Variants in TMTC1 observed in about 807,000 individuals in gnomAD.
The protein encoded by TMTC1 is transmembrane O-mannosyltransferase targeting cadherins 1.
TMTC1 carries 73 observed loss-of-function variants against 104.8 expected under a neutral mutation model. That is an observed-to-expected ratio of 0.70 (90% CI 0.58 to 0.85). The LOEUF (loss-of-function observed/expected upper bound fraction) is 0.85. Among genes scored for constraint, TMTC1 ranks in the 40% least tolerant of loss-of-function variants. The probability of loss-of-function intolerance (pLI) is 0.00; values close to 1 mark genes in which losing one functional copy is unlikely to be tolerated. For missense variants in TMTC1, 1,035 were observed against 1,096.1 expected (o/e 0.94, Z 0.79); for synonymous variants, 434 against 428.7 (o/e 1.01, Z -0.15).
At chr12:29,693,195 A>G (rs1202395605) in intron 5 of TMTC1, among the ~76,000 whole-genome samples, 2 of 145,040 alleles carry the variant, frequency 1.4e-5, no homozygotes, top group African/African-American at 5.0e-5. Flanking sequence ...TGATCAAATC[A>G]GCTGTAAAAG....
chr12:29,708,847 G>A (rs1941822963), intron 5 of TMTC1, among the ~76,000 whole-genome samples: 1 of 152,162 alleles, frequency 6.6e-6, no homozygotes, highest in Admixed American at 6.5e-5. Context: ...CTTTGCAGTT[G>A]AAATGAGCAT....
chr12:29,644,228 T>A (rs940746724), intron 5 of TMTC1, among the ~76,000 whole-genome samples: 9 of 148,756 alleles, frequency 6.1e-5, no homozygotes, highest in African/African-American at 2.0e-4. Context: ...TGGATGGGAC[T>A]AGAGACTATT....
intron 10 of TMTC1, among the ~76,000 whole-genome samples, chr12:29,543,445 T>C (rs920591421): frequency 1.3e-5 from 2 of 152,194 alleles, no homozygotes; most frequent in African/African-American, 4.8e-5. Flanking sequence ...ACGTAGGAAA[T>C]GCCAGTAACA....
Position 29,502,230 on chromosome 12 carries a change from A to G in TMTC1, c.*4616T>C, listed in dbSNP as rs1240587862. 1 of 152,158 alleles carries G rather than the reference A, an allele frequency of 6.6e-6. No homozygotes were observed. Among genetic ancestry groups the G allele is most frequent in the African/African-American group, 2.4e-5 (1 of 41,444 alleles). The allele number at this position is 152,158 out of a possible 1,614,324, so 9.4% of individuals were successfully genotyped here. A position where few individuals can be genotyped will look rare whatever the true frequency, so the allele number is the denominator to read the frequency against. ...AAACATAATTTGGAAACCAGGAACA[A>G]AAATTTTTAAAAAATCACCTCTCAC... On this transcript the variant is annotated 3_prime_UTR_variant, in exon 18 of 18. Transcript: ENST00000539277.
rs534901869 is a variant in TMTC1, at chr12:29,677,386, G to T, written c.939-44050C>A. Among the ~76,000 whole-genome samples the T allele has an allele frequency of 3.3e-5, 5 of 152,114 alleles. No individual in the cohort carries two copies. The South Asian group carries it at 1.0e-3, about 32-fold the overall frequency. ...AGTTATTTCCATACATAAAATATGT[G>T]CCATAAAATATGCATAGAAGCACAA... On this transcript the variant is annotated intron_variant, in intron 5 of 17. Transcript: ENST00000539277.
chr12:29,519,825 GTTTC>G (rs1377096309), intron 12 of TMTC1: 2 of 152,300 alleles, frequency 1.3e-5, no homozygotes, highest in South Asian at 4.1e-4. Context: ...AATAAGGTAA[GTTTC>G]TTAGATGTAT....
At chr12:29,558,370 T>C (rs1945299330) in intron 9 of TMTC1, among the ~76,000 whole-genome samples, 1 of 152,204 alleles carries the variant, frequency 6.6e-6, no homozygotes, top group Non-Finnish European at 1.5e-5. Flanking sequence ...AAGATCAGTT[T>C]AATTCTGGGA....
chr12:29,602,383 A>G (rs1009271616), intron 7 of TMTC1, among the ~76,000 whole-genome samples: 6 of 152,144 alleles, frequency 3.9e-5, no homozygotes, highest in African/African-American at 1.4e-4. Context: ...GGTTCAAGTG[A>G]TATACATGCA....
At chr12:29,727,167 G>A (rs998079490) in intron 5 of TMTC1, among the ~76,000 whole-genome samples, 6 of 152,134 alleles carry the variant, frequency 3.9e-5, no homozygotes, top group African/African-American at 1.2e-4. Context: ...CTGTACTATA[G>A]CACTGTATGA....
chr12:29,729,629 T>C (rs1942493533), intron 5 of TMTC1, among the ~76,000 whole-genome samples: 1 of 152,114 alleles, frequency 6.6e-6, no homozygotes, highest in Admixed American at 6.5e-5. Flanking sequence ...GTGATAACAG[T>C]TCCTCTGCTG....
At chr12:29,641,440 T>C (rs1393950090) in intron 5 of TMTC1, among the ~76,000 whole-genome samples, 1 of 152,148 alleles carries the variant, frequency 6.6e-6, no homozygotes, top group Non-Finnish European at 1.5e-5. Context: ...CCCCTGGTAC[T>C]AGCCCAGAGC....
chr12:29,595,113 T>G (rs1274419223), intron 7 of TMTC1, among the ~76,000 whole-genome samples: 1 of 152,238 alleles, frequency 6.6e-6, no homozygotes, highest in Non-Finnish European at 1.5e-5. Context: ...AATTATACTT[T>G]ATATTAAATT....
rs1338947482 is a variant in TMTC1, at chr12:29,504,407, TCTTATAGG to T, written c.*2431_*2438del. The T allele has an allele frequency of 6.6e-6, 1 of 152,174 alleles. No individual in the cohort carries two copies. 9.4% of individuals were successfully genotyped at this position (152,174 alleles called of 1,614,324 possible). ...TTGAAAAATAGTATGTGATCTATTT[TCTTATAGG>T]CACTGTTTTTACTGTGAAACTATTG... On this transcript the variant is annotated 3_prime_UTR_variant, in exon 18 of 18. Transcript: ENST00000539277.
chr12:29,512,836 T>A (rs1943877748), intron 16 of TMTC1, among the ~76,000 whole-genome samples: 1 of 152,208 alleles, frequency 6.6e-6, no homozygotes, highest in East Asian at 1.9e-4. Flanking sequence ...GAGTCTCAAG[T>A]GGTCACCTGA....
At chr12:29,652,065 A>G (rs1300040800) in intron 5 of TMTC1, among the ~76,000 whole-genome samples, 2 of 152,186 alleles carry the variant, frequency 1.3e-5, no homozygotes, top group African/African-American at 2.4e-5. Context: ...AATGCCTTTT[A>G]TGAGTGGTAC....
At chr12:29,525,806 T>C (rs542907023) in intron 11 of TMTC1, among the ~76,000 whole-genome samples, 60 of 152,306 alleles carry the variant, frequency 3.9e-4, no homozygotes, top group Non-Finnish European at 5.7e-4. Flanking sequence ...AATAAGACAA[T>C]CTAGTTGAAT....
intron 7 of TMTC1, among the ~76,000 whole-genome samples, chr12:29,586,619 A>G (rs915556599): frequency 2.0e-4 from 31 of 151,822 alleles, no homozygotes; most frequent in African/African-American, 7.5e-4. Context: ...ATCAATACCT[A>G]ATTTATTGAG....
intron 7 of TMTC1, among the ~76,000 whole-genome samples, chr12:29,594,232 A>G (rs12314431): frequency 0.015 from 2,314 of 152,348 alleles, 50 homozygotes; most frequent in African/African-American, 0.052. Context: ...TCTACAGCAC[A>G]GTCATCTTGA....
intron 6 of TMTC1, among the ~76,000 whole-genome samples, chr12:29,618,627 C>A (rs1235085444): frequency 6.6e-6 from 1 of 151,696 alleles, no homozygotes; most frequent in Non-Finnish European, 1.5e-5. Flanking sequence ...CCTTTATAGG[C>A]TCCTTGGGCA....
Sources: allele counts gnomAD v4.1 joint callset (sites outside exome capture counted in the v4.1 genomes callset), GRCh38; gene constraint gnomAD v4.1.1; transcripts MANE v1.5; gene names NCBI Gene and HGNC (gene_info 2026-07-23, HGNC 2026-07-21).